The following GRAMD2B variants were observed in gnomAD, a reference collection of about 807,000 sequenced individuals.
GRAMD2B encodes GRAM domain-containing protein 2B.
In GRAMD2B, 41 loss-of-function variants were observed where a neutral mutation model predicts 59.2. That is an observed-to-expected ratio of 0.69 (90% CI 0.54 to 0.90). The LOEUF is 0.90. GRAMD2B is among the 40% of genes least tolerant of loss of function. The pLI is 0.00. For missense variants in GRAMD2B, 424 were observed against 500.5 expected (o/e 0.85, Z 1.46); for synonymous variants, 161 against 182.7 (o/e 0.88, Z 0.96).
intron 1 of GRAMD2B, among the ~76,000 whole-genome samples, chr5:126,415,109 G>C (rs1453621669): frequency 1.3e-5 from 2 of 152,152 alleles, no homozygotes; most frequent in African/African-American, 4.8e-5. Flanking sequence ...ATAGAGCCCA[G>C]TTCTCCTGAC....
Position 126,493,036 on chromosome 5 carries a change from GCA to G in GRAMD2B, c.*82_*83del. The G allele has an allele frequency of 4.7e-6, 5 of 1,064,440 alleles. No individual in the cohort carries two copies. In the South Asian group the frequency reaches 5.2e-5, roughly 11 times the overall value. 65.9% of individuals were successfully genotyped at this position (1,064,440 alleles called of 1,614,324 possible). The stretch of plus-strand genomic sequence containing the variant: ...GCTTCCTGAGGCGTTTTGTTTGAGT[GCA>G]CCCTGCTGGTCAGAGGTGCAAGCAG... On this transcript the variant is annotated 3_prime_UTR_variant, in exon 14 of 14. Coordinates refer to ENST00000285689, the MANE Select transcript of GRAMD2B (RefSeq NM_023927.4).
rs551034671 is a variant in GRAMD2B, at chr5:126,392,333, G to A, written c.125+20766G>A. Among the ~76,000 whole-genome samples the A allele has an allele frequency of 1.4e-4, 22 of 152,272 alleles. No individual in the cohort carries two copies. The East Asian group carries it at 3.3e-3, about 23-fold the overall frequency. The stretch of plus-strand genomic sequence containing the variant: ...TCACAGGGGGAAAGACACAAGTGGA[G>A]TCTGCAGGAATCCATGTACAGGCTT... On this transcript the variant is annotated intron_variant, in intron 1 of 8. Coordinates refer to the GRAMD2B transcript ENST00000506445.
At chr5:126,367,420 A>C (rs1754505968), upstream of GRAMD2B, among the ~76,000 whole-genome samples, 1 of 149,028 alleles carries the variant, frequency 6.7e-6, no homozygotes, top group African/African-American at 2.5e-5. Context: ...CAAATCCTAC[A>C]CCTGTAAAAA....
chr5:126,459,150 G>C (rs779852378), intron 1 of GRAMD2B: 2 of 152,090 alleles, frequency 1.3e-5, no homozygotes, highest in Non-Finnish European at 1.5e-5. Context: ...TTTCATTGAC[G>C]GTTTTGCTGA....
At chr5:126,449,487 C>T (rs1764932479) in intron 1 of GRAMD2B, among the ~76,000 whole-genome samples, 1 of 151,852 alleles carries the variant, frequency 6.6e-6, no homozygotes, top group East Asian at 1.9e-4. Flanking sequence ...ACCTTTGAAA[C>T]CTCACAATCT....
intron 1 of GRAMD2B, among the ~76,000 whole-genome samples, chr5:126,456,089 A>G (rs757900362): frequency 2.0e-5 from 3 of 152,246 alleles, no homozygotes; most frequent in Non-Finnish European, 2.9e-5. Context: ...CATCTTTGCT[A>G]CAAGGATATG....
intron 1 of GRAMD2B, among the ~76,000 whole-genome samples, chr5:126,446,777 A>G (rs560775036): frequency 6.6e-6 from 1 of 152,266 alleles, no homozygotes; most frequent in African/African-American, 2.4e-5. Context: ...ATCCTTATGA[A>G]GATGCCACTC....
chr5:126,412,644 C>T (rs987098157), intron 1 of GRAMD2B, among the ~76,000 whole-genome samples: 2 of 151,998 alleles, frequency 1.3e-5, no homozygotes, highest in African/African-American at 4.8e-5. Context: ...AGAGAAGAGT[C>T]CTTTCTCCTC....
chr5:126,443,081 G>A (rs948849822), intron 1 of GRAMD2B, among the ~76,000 whole-genome samples: 3 of 152,140 alleles, frequency 2.0e-5, no homozygotes, highest in Non-Finnish European at 4.4e-5. Context: ...CTCCTTAGAA[G>A]ATTGCTGGAT....
At chr5:126,367,841 T>C (rs1754534728), upstream of GRAMD2B, among the ~76,000 whole-genome samples, 1 of 152,194 alleles carries the variant, frequency 6.6e-6, no homozygotes, top group Non-Finnish European at 1.5e-5. Context: ...GAGCTCCACC[T>C]TCCCGGTTCA....
At chr5:126,423,955 T>C (rs1760128270) in intron 1 of GRAMD2B, among the ~76,000 whole-genome samples, 1 of 152,342 alleles carries the variant, frequency 6.6e-6, no homozygotes, top group African/African-American at 2.4e-5. Context: ...AATAATTTTG[T>C]AGAAAATAAG....
rs1758241796 is a variant in GRAMD2B at position 126,406,108 on chromosome 5, T to C, written c.125+34541T>C. Among the ~76,000 whole-genome samples, 2 of 151,978 alleles carry C rather than the reference T, an allele frequency of 1.3e-5. 1 individual carries two copies. The highest frequency in any genetic ancestry group is 1.3e-4 in the Admixed American group (2 of 15,230). On this transcript the variant is annotated intron_variant, in intron 1 of 8. Coordinates refer to the GRAMD2B transcript ENST00000506445. The stretch of plus-strand genomic sequence containing the variant: ...GTAAATATAGAGACAAAGATCATAT[T>C]CGTGTCTAAAAGAAAAAAGATATTT...
chr5:126,461,087 T>G (rs1450982118), intron 1 of GRAMD2B, among the ~76,000 whole-genome samples: 1 of 152,184 alleles, frequency 6.6e-6, no homozygotes, highest in African/African-American at 2.4e-5. Context: ...GGAACACACC[T>G]TCTTGGACTG....
At chr5:126,406,408 G>A (rs530175954) in intron 1 of GRAMD2B, among the ~76,000 whole-genome samples, 2 of 150,972 alleles carry the variant, frequency 1.3e-5, no homozygotes, top group East Asian at 2.0e-4. Flanking sequence ...ATATTAAAAT[G>A]CACAAATCTC....
chr5:126,414,077 C>A (rs1445044927), intron 1 of GRAMD2B, among the ~76,000 whole-genome samples: 1 of 152,102 alleles, frequency 6.6e-6, no homozygotes, highest in Non-Finnish European at 1.5e-5. Context: ...TAAAAAAATA[C>A]CATCGACAAT....
intron 1 of GRAMD2B, among the ~76,000 whole-genome samples, chr5:126,453,024 G>A (rs1296414276): frequency 6.6e-6 from 1 of 152,078 alleles, no homozygotes; most frequent in Non-Finnish European, 1.5e-5. Context: ...TATATCTTAG[G>A]TATATGAAAA....
chr5:126,450,836 TC>T (rs1420450188), intron 1 of GRAMD2B, among the ~76,000 whole-genome samples: 2 of 151,966 alleles, frequency 1.3e-5, no homozygotes, highest in African/African-American at 4.8e-5. Flanking sequence ...AGTGAAGAAG[TC>T]TTGACAACTT....
intron 1 of GRAMD2B, among the ~76,000 whole-genome samples, chr5:126,387,373 A>C (rs1306438335): frequency 6.6e-6 from 1 of 151,904 alleles, no homozygotes; most frequent in Admixed American, 6.6e-5. Flanking sequence ...TATGAGGCTA[A>C]ACAAATGTTC....
At chr5:126,442,676 C>T (rs1763506500) in intron 1 of GRAMD2B, among the ~76,000 whole-genome samples, 1 of 152,160 alleles carries the variant, frequency 6.6e-6, no homozygotes, top group Admixed American at 6.5e-5. Context: ...TAAAATCCGT[C>T]TGTAAATATT....
Sources: allele counts gnomAD v4.1 joint callset (sites outside exome capture counted in the v4.1 genomes callset), GRCh38; gene constraint gnomAD v4.1.1; transcripts MANE v1.5; gene names NCBI Gene and HGNC (gene_info 2026-07-23, HGNC 2026-07-21).